CELF1: variants seen among roughly 807,000 people sequenced by gnomAD.
CELF1 encodes the protein 50 kDa nuclear polyadenylated RNA-binding protein.
CELF1 carries 10 observed loss-of-function variants against 61.8 expected under a neutral mutation model. The ratio of observed to expected loss-of-function variants is 0.16; its 90% CI spans 0.10 to 0.27. The LOEUF (loss-of-function observed/expected upper bound fraction) is 0.27. Ranked by LOEUF, CELF1 falls within the 10% of genes least tolerant of loss-of-function variation. The pLI, the probability that CELF1 is intolerant of heterozygous loss-of-function variation, is 1.00. For missense variants in CELF1, 380 were observed against 639.1 expected (o/e 0.59, Z 4.37); for synonymous variants, 236 against 225.1 (o/e 1.05, Z -0.43).
In CELF1 at chr11:47,493,061, T is replaced by A. The variant is rs146799603; in HGVS notation, c.72-4037A>T. The stretch of plus-strand genomic sequence containing the variant: ...TAAAGCATAAACACAAGTCAATATA[T>A]GTAGATTACAGTTTACCCAAAAGTT... On this transcript the variant is annotated intron_variant, in intron 3 of 14. Transcript: ENST00000687097. Among the ~76,000 whole-genome samples, 704 of 152,300 alleles carry A rather than the reference T, an allele frequency of 4.6e-3. 25 individuals are homozygous for A. The highest frequency in any genetic ancestry group is 8.1e-4 in the Non-Finnish European group (55 of 68,032).
chr11:47,495,957 C>A, intron 3 of CELF1: 1 of 984,880 alleles, frequency 1.0e-6, no homozygotes, highest in Non-Finnish European at 1.2e-6. Flanking sequence ...CCCTCCACCT[C>A]CCCAGCAGGC....
At chr11:47,525,002 A>T (rs564623071) in intron 1 of CELF1, among the ~76,000 whole-genome samples, 287 of 152,334 alleles carry the variant, frequency 1.9e-3, no homozygotes, top group Middle Eastern at 0.014. Flanking sequence ...TGGAAAAGAC[A>T]TTTGAAAACC....
At position 47,487,234 on chromosome 11, in the gene CELF1, A is replaced by G; in HGVS notation, c.267T>C (p.Cys89=). Reference sequence around the variant, plus strand: ...CTTTACGGGTGTAAAATGTAACAAAACAGCACCCTGCAATAAATAAGATTT... The same window carrying G: ...CTTTACGGGTGTAAAATGTAACAAAGCAGCACCCTGCAATAAATAAGATTT... ...SQNPPQSKGC[C]FVTFYTRKAA... Residue 89 remains cysteine (C), a synonymous_variant, in exon 5 of 15, where the codon TGT becomes TGC. Transcript: ENST00000687097. The G allele has an allele frequency of 1.2e-6, 2 of 1,610,484 alleles. No individual in the cohort carries two copies. Among genetic ancestry groups the G allele is most frequent in the Non-Finnish European group, 1.7e-6 (2 of 1,178,660 alleles).
At chr11:47,505,076 T>C (rs1284839293) in intron 1 of CELF1, among the ~76,000 whole-genome samples, 1 of 151,038 alleles carries the variant, frequency 6.6e-6, no homozygotes, top group East Asian at 1.9e-4. Flanking sequence ...AGTTTTCCAT[T>C]TCCTCCCCTA....
chr11:47,504,702 G>C (rs980740116), intron 1 of CELF1, among the ~76,000 whole-genome samples: 2 of 151,246 alleles, frequency 1.3e-5, no homozygotes, highest in Non-Finnish European at 3.0e-5. Flanking sequence ...AGGAGTTCTA[G>C]ACCAGTTTGA....
intron 1 of CELF1, among the ~76,000 whole-genome samples, chr11:47,517,603 G>T (rs1027807246): frequency 4.6e-5 from 7 of 152,122 alleles, no homozygotes; most frequent in Non-Finnish European, 1.0e-4. Flanking sequence ...AGTTGTAGAG[G>T]TGGAACAGTG....
At chr11:47,473,017 T>A in intron 14 of CELF1, 71 bp downstream of exon 14, 1 of 1,528,848 alleles carries the variant, frequency 6.5e-7, no homozygotes, top group Non-Finnish European at 8.9e-7. Flanking sequence ...CAGATCTTTC[T>A]GCAGTGAGCT....
rs1285651774 is a variant in CELF1 at position 47,484,431 on chromosome 11, C to T, written c.484G>A (p.Glu162Lys). The change falls in exon 7 of 15, where the codon GAA (glutamate) becomes AAA (lysine). Residue 162 changes from glutamate to lysine, a missense_variant. By Grantham distance (56) the Glu-to-Lys change is moderately conservative. Transcript: ENST00000687097. ...RVMFSSFGQI[E>K]ECRILRGPDG... ...GGTCCCCGCAATATCCGGCATTCTT[C>T]AATCTGTCCAAACGAAGAGAACATG... 6.2e-7 allele frequency: 1 copy of T among 1,613,768 alleles called. No homozygotes were observed. The highest frequency in any genetic ancestry group is 8.5e-7 in the Non-Finnish European group (1 of 1,179,944).
At chr11:47,555,373 A>C (rs2097202827), upstream of CELF1, among the ~76,000 whole-genome samples, 1 of 1,590 alleles carries the variant, frequency 6.3e-4, no homozygotes. Flanking sequence ...ACTGTATCTA[A>C]CTCGATAAAC....
chr11:47,492,558 G>A (rs1448740657), intron 3 of CELF1, among the ~76,000 whole-genome samples: 13 of 152,168 alleles, frequency 8.5e-5, no homozygotes, highest in African/African-American at 2.6e-4. Context: ...GGTAAACTCC[G>A]TCTCTACCAA....
chr11:47,536,290 C>A (rs2096627360), intron 1 of CELF1, among the ~76,000 whole-genome samples: 1 of 151,966 alleles, frequency 6.6e-6, no homozygotes, highest in Non-Finnish European at 1.5e-5. Context: ...TACTTGAACC[C>A]GGGAGGCGGA....
At chr11:47,561,727 A>G (rs896845508) in intron 2 of CELF1, among the ~76,000 whole-genome samples, 1 of 152,226 alleles carries the variant, frequency 6.6e-6, no homozygotes, top group Non-Finnish European at 1.5e-5. Context: ...AAATGTTCCC[A>G]GCAGCATTGT....
At position 47,472,133 on chromosome 11, in the gene CELF1, G is replaced by A. The variant is rs921357023; in HGVS notation, c.*97C>T. The A allele has an allele frequency of 6.9e-7, 1 of 1,443,106 alleles. No individual in the cohort carries two copies. The allele number at this position is 1,443,106 out of a possible 1,614,324, so 89.4% of individuals were successfully genotyped here. A position where few individuals can be genotyped will look rare whatever the true frequency, so the allele number is the denominator to read the frequency against. On this transcript the variant is annotated 3_prime_UTR_variant, in exon 15 of 15. Coordinates refer to ENST00000687097, the MANE Select transcript of CELF1 (RefSeq NM_001376376.1). ...AGAGTGGCAGGGATCAGGGTCCAGG[G>A]CTGTCAACACACAGCCTCAGGGCTT...
chr11:47,531,496 G>A (rs1015104209), intron 1 of CELF1, among the ~76,000 whole-genome samples: 6 of 152,078 alleles, frequency 3.9e-5, no homozygotes, highest in Non-Finnish European at 8.8e-5. Context: ...TTGAATCTGG[G>A]AGGCAGAGGT....
At position 47,475,365 on chromosome 11, in the gene CELF1, C is replaced by G; in HGVS notation, c.1244G>C (p.Ser415Thr). The G allele has an allele frequency of 6.2e-7, 1 of 1,613,966 alleles. No homozygotes were observed. The highest frequency in any genetic ancestry group is 8.5e-7 in the Non-Finnish European group (1 of 1,180,022). Residue 415 changes from serine to threonine, a missense_variant, in exon 13 of 15, where the codon AGT becomes ACT. Transcript: ENST00000687097. ...LYNQNLLTQQSIGAAGSQKEG... is the reference protein window; with the variant it reads ...LYNQNLLTQQTIGAAGSQKEG... The stretch of plus-strand genomic sequence containing the variant: ...CTTCTGGCTTCCAGCAGCACCAATA[C>G]TCTGCTGTGTCAGAAGATTCTGGTT...
chr11:47,535,623 G>A (rs2096608335), intron 1 of CELF1, among the ~76,000 whole-genome samples: 1 of 147,662 alleles, frequency 6.8e-6, no homozygotes, highest in Non-Finnish European at 1.5e-5. Context: ...AGGTTGCAGT[G>A]AGCCAAGGTT....
At chr11:47,502,149 C>T (rs2093986961) in intron 1 of CELF1, among the ~76,000 whole-genome samples, 1 of 152,134 alleles carries the variant, frequency 6.6e-6, no homozygotes, top group Non-Finnish European at 1.5e-5. Context: ...TCCAGAGGCC[C>T]AATTTATAAA....
At chr11:47,518,350 TTCAA>T (rs1169290313) in intron 1 of CELF1, among the ~76,000 whole-genome samples, 1 of 152,252 alleles carries the variant, frequency 6.6e-6, no homozygotes, top group Non-Finnish European at 1.5e-5. Context: ...ATACATTTTC[TTCAA>T]TCAACCTTTC....
upstream of CELF1, chr11:47,557,439 G>A (rs1179855403): frequency 1.4e-5 from 2 of 142,050 alleles, no homozygotes; most frequent in Non-Finnish European, 3.0e-5. Context: ...GGGTACTCTC[G>A]ATCTCCTGAC....
Sources: allele counts gnomAD v4.1 joint callset (sites outside exome capture counted in the v4.1 genomes callset), GRCh38; gene constraint gnomAD v4.1.1; transcripts MANE v1.5; gene names NCBI Gene and HGNC (gene_info 2026-07-23, HGNC 2026-07-21).